NEXMIF: variants seen among roughly 807,000 people sequenced by gnomAD.
NEXMIF encodes XLMR protein related to neurite extension.
In NEXMIF, 8 loss-of-function variants were observed where a neutral mutation model predicts 62.1. The ratio of observed to expected loss-of-function variants is 0.13; its 90% CI spans 0.08 to 0.23. The LOEUF (loss-of-function observed/expected upper bound fraction) is 0.23, where lower values mean the gene tolerates loss of function less well. Ranked by LOEUF, NEXMIF falls within the 10% of genes least tolerant of loss-of-function variation. The probability of loss-of-function intolerance (pLI) is 1.00; values close to 1 mark genes in which losing one functional copy is unlikely to be tolerated. For synonymous variants in NEXMIF, 404 were observed against 416.6 expected (o/e 0.97, Z 0.37); for missense variants, 976 against 1,113.3 (o/e 0.88, Z 1.75).
intron 1 of NEXMIF, among the ~76,000 whole-genome samples, chrX:74,761,208 G>T (rs972902539): frequency 9.0e-6 from 1 of 111,065 alleles, no homozygotes; most frequent in Admixed American, 9.6e-5. Flanking sequence ...CCAGGCTTTT[G>T]AATCAGGATG....
chrX:74,831,976 G>C (rs1279592859), intron 1 of NEXMIF, among the ~76,000 whole-genome samples: 2 of 112,215 alleles, frequency 1.8e-5, no homozygotes, highest in East Asian at 5.6e-4. Context: ...TGGTCACAAT[G>C]AATGATCATA....
intron 1 of NEXMIF, among the ~76,000 whole-genome samples, chrX:74,822,675 T>G (rs2080400956): frequency 8.9e-6 from 1 of 111,904 alleles, no homozygotes; most frequent in Non-Finnish European, 1.9e-5. Context: ...GAAATGCAAA[T>G]AAAAATGACA....
chrX:74,861,737 A>C (rs2080558377), intron 1 of NEXMIF, among the ~76,000 whole-genome samples: 1 of 111,807 alleles, frequency 8.9e-6, no homozygotes, highest in South Asian at 3.8e-4. Flanking sequence ...TTCATATCTG[A>C]TCAAACTAAG....
At chrX:74,906,447 G>A (rs1433132128) in intron 1 of NEXMIF, among the ~76,000 whole-genome samples, 2 of 110,515 alleles carry the variant, frequency 1.8e-5, no homozygotes, top group East Asian at 5.7e-4. Context: ...TACAAGATAT[G>A]GGTTCCTGGG....
At chrX:74,887,777 C>T (rs941150350) in intron 1 of NEXMIF, among the ~76,000 whole-genome samples, 1 of 111,647 alleles carries the variant, frequency 9.0e-6, no homozygotes, top group Non-Finnish European at 1.9e-5. Flanking sequence ...CACCATTGAC[C>T]CAGCCATCCC....
At chrX:74,791,354 T>C (rs1159784727) in intron 1 of NEXMIF, among the ~76,000 whole-genome samples, 1 of 111,777 alleles carries the variant, frequency 8.9e-6, no homozygotes, top group Non-Finnish European at 1.9e-5. Context: ...ATAAGCTTTT[T>C]GATGTGCTGC....
chrX:74,880,950 T>G (rs1340823736), intron 1 of NEXMIF, among the ~76,000 whole-genome samples: 2 of 111,186 alleles, frequency 1.8e-5, no homozygotes. Flanking sequence ...ACAACGATCA[T>G]GAACACTGTC....
At chrX:74,847,328 A>G in intron 1 of NEXMIF, among the ~76,000 whole-genome samples, 1 of 112,118 alleles carries the variant, frequency 8.9e-6, no homozygotes, top group Non-Finnish European at 1.9e-5. Context: ...TTCCTTGATA[A>G]CAAAATAAAT....
rs781110243 is a variant in NEXMIF at position 74,818,119 on chromosome X, TA to T, written c.-47-72423del. On this transcript the variant is annotated intron_variant, in intron 1 of 3. Coordinates refer to ENST00000055682, the MANE Select transcript of NEXMIF (RefSeq NM_001008537.3). ...TAAAAAAAAATTATAAAAAAAATTA[TA>T]AAAAAAACTTATAAAATTCAGAACC... 2.6e-3 allele frequency among the ~76,000 whole-genome samples: 284 copies of T among 109,794 alleles called. 1 individual carries two copies. The highest frequency in any genetic ancestry group is 4.7e-3 in the Non-Finnish European group (246 of 52,454).
chrX:74,912,201 G>T (rs1317682431), intron 1 of NEXMIF, among the ~76,000 whole-genome samples: 1 of 111,419 alleles, frequency 9.0e-6, no homozygotes, highest in Non-Finnish European at 1.9e-5. Context: ...TTACATAAAT[G>T]CTCCCCACCT....
intron 1 of NEXMIF, among the ~76,000 whole-genome samples, chrX:74,756,151 C>A (rs992328356): frequency 3.6e-5 from 4 of 110,552 alleles, no homozygotes; most frequent in Non-Finnish European, 1.9e-5. Flanking sequence ...TTTGTAGAGA[C>A]GGGGTTTCAC....
At chrX:74,756,853 C>T (rs1003584686) in intron 1 of NEXMIF, among the ~76,000 whole-genome samples, 22 of 110,962 alleles carry the variant, frequency 2.0e-4, no homozygotes, top group African/African-American at 7.4e-4. Context: ...AGGAAACACC[C>T]ATTGCACATG....
At chrX:74,766,230 G>C (rs1044098447) in intron 1 of NEXMIF, among the ~76,000 whole-genome samples, 3 of 110,827 alleles carry the variant, frequency 2.7e-5, no homozygotes, top group Non-Finnish European at 5.7e-5. Context: ...ATCATCTTGT[G>C]TTGAATCTTG....
chrX:74,742,143 G>T lies in NEXMIF; in HGVS notation c.2414C>A (p.Thr805Asn). 8.3e-7 allele frequency: 1 copy of T among 1,209,754 alleles called. No homozygotes were observed. Among genetic ancestry groups the T allele is most frequent in the Middle Eastern group, 2.3e-4 (1 of 4,355 alleles). Reference protein sequence around the residue: ...EMPLSSANVTTNIPVIPGGYL... With the variant: ...EMPLSSANVTNNIPVIPGGYL... The stretch of plus-strand genomic sequence containing the variant: ...CCCTCCCGGGATAACAGGTATATTA[G>T]TGGTAACATTAGCAGATGATAAAGG... The change falls in exon 3 of 4, where the codon ACT becomes AAT. Residue 805 changes from threonine to asparagine, a missense_variant. Physicochemically the swap from Thr to Asn is moderately conservative, Grantham distance 65. Around this residue, in one of 5 missense-constraint regions of NEXMIF, gnomAD observed 639 missense variants for 694.5 expected, o/e 0.92. Coordinates refer to ENST00000055682, the MANE Select transcript of NEXMIF (RefSeq NM_001008537.3).
At chrX:74,921,013 T>A (rs2080825079) in intron 1 of NEXMIF, among the ~76,000 whole-genome samples, 1 of 111,739 alleles carries the variant, frequency 8.9e-6, no homozygotes, top group African/African-American at 3.3e-5. Context: ...ACATCAAAAT[T>A]ATCACACTGG....
chrX:74,812,337 A>AGTC lies in NEXMIF; in HGVS notation c.-47-66641_-47-66640insGAC, dbSNP rs2080362981. On this transcript the variant is annotated intron_variant, in intron 1 of 3. Coordinates refer to ENST00000055682, the MANE Select transcript of NEXMIF (RefSeq NM_001008537.3). The stretch of plus-strand genomic sequence containing the variant: ...CTCTCCCAACACCAAATTAACACAT[A>AGTC]GTTTCCCTAGCTTGATGGCCTCTTC... Among the ~76,000 whole-genome samples the AGTC allele has an allele frequency of 3.6e-5, 4 of 112,050 alleles. No individual in the cohort carries two copies. The South Asian group carries it at 1.5e-3, about 42-fold the overall frequency.
At chrX:74,919,542 C>T (rs2080819058) in intron 1 of NEXMIF, among the ~76,000 whole-genome samples, 2 of 111,485 alleles carry the variant, frequency 1.8e-5, no homozygotes, top group South Asian at 3.8e-4. Context: ...TAAACCACAA[C>T]ATATGGTCAC....
intron 1 of NEXMIF, among the ~76,000 whole-genome samples, chrX:74,861,289 T>G (rs774554829): frequency 8.9e-6 from 1 of 111,806 alleles, no homozygotes; most frequent in South Asian, 3.7e-4. Context: ...CAGGCAAGAT[T>G]AGAAGAAACA....
intron 1 of NEXMIF, among the ~76,000 whole-genome samples, chrX:74,759,504 G>A (rs1349897593): frequency 1.8e-5 from 2 of 111,660 alleles, no homozygotes; most frequent in African/African-American, 6.5e-5. Flanking sequence ...TGTCTTCCAG[G>A]GATTTTATAG....
Sources: gnomAD v4.1 joint callset for allele counts (sites outside exome capture counted in the v4.1 genomes callset) on GRCh38, gnomAD v4.1.1 for gene constraint, gnomAD v4.1.1 regional missense constraint, MANE v1.5 for transcripts, NCBI Gene and HGNC (gene_info 2026-07-23, HGNC 2026-07-21) for gene names.